IL1R1: variants seen among roughly 807,000 people sequenced by gnomAD.
The protein encoded by IL1R1 is interleukin 1 receptor type 1.
Under a neutral mutation model 50.2 loss-of-function variants are expected in IL1R1, and 22 were observed. That is an observed-to-expected ratio of 0.44 (90% confidence interval 0.31 to 0.63). The LOEUF is 0.63. Among genes scored for constraint, IL1R1 ranks in the 20% least tolerant of loss-of-function variants. The pLI is 0.07. For synonymous variants in IL1R1, 251 were observed against 236.7 expected, an observed-to-expected ratio of 1.06 and a Z score of -0.55; for missense variants, 509 against 676.2, an observed-to-expected ratio of 0.75 and a Z score of 2.74.
At chr2:102,176,259 C>A in intron 11 of IL1R1, 94 bp from the exon 12 acceptor site, 1 of 997,302 alleles carries the variant, frequency 1.0e-6, no homozygotes, top group Non-Finnish European at 1.5e-6. Flanking sequence ...CATTAGGAGC[C>A]ATACGGTTGT....
intron 1 of IL1R1, among the ~76,000 whole-genome samples, chr2:102,153,229 C>A (rs1378974910): frequency 6.6e-6 from 1 of 152,090 alleles, no homozygotes; most frequent in Non-Finnish European, 1.5e-5. Context: ...TTCTTTCTGG[C>A]AAAACTCAAG....
intron 10 of IL1R1, 83 bp from the exon 11 acceptor site, chr2:102,175,395 T>C: frequency 3.0e-6 from 3 of 1,011,048 alleles, no homozygotes. Flanking sequence ...TAGTTCATTA[T>C]GTAATGAATG....
At chr2:102,094,835 A>G (rs2104321134) in intron 1 of IL1R1, among the ~76,000 whole-genome samples, 1 of 152,316 alleles carries the variant, frequency 6.6e-6, no homozygotes, top group East Asian at 1.9e-4. Flanking sequence ...ACACACATAT[A>G]CACATATATG....
At chr2:102,119,580 A>G (rs574314895) in intron 1 of IL1R1, among the ~76,000 whole-genome samples, 1 of 152,342 alleles carries the variant, frequency 6.6e-6, no homozygotes, top group South Asian at 2.1e-4. Flanking sequence ...GTCTTAAACA[A>G]AAGTTACATA....
At chr2:102,171,061 C>T (rs546725845) in intron 7 of IL1R1, among the ~76,000 whole-genome samples, 1 of 152,226 alleles carries the variant, frequency 6.6e-6, no homozygotes, top group African/African-American at 2.4e-5. Flanking sequence ...GACTGTGTCT[C>T]ATTTTTAAAA....
upstream of IL1R1, among the ~76,000 whole-genome samples, chr2:102,137,987 T>G (rs971636743): frequency 6.6e-6 from 1 of 152,192 alleles, no homozygotes; most frequent in African/African-American, 2.4e-5. Flanking sequence ...ATGGTGGGAC[T>G]GTGTGGAATT....
chr2:102,121,899 CT>C (rs1274915725), intron 1 of IL1R1, among the ~76,000 whole-genome samples: 2 of 152,160 alleles, frequency 1.3e-5, no homozygotes, highest in Non-Finnish European at 2.9e-5. Context: ...CCATGCAACA[CT>C]TTTTTGTTCT....
intron 1 of IL1R1, among the ~76,000 whole-genome samples, chr2:102,072,117 G>A (rs1342435298): frequency 6.6e-6 from 1 of 151,676 alleles, no homozygotes; most frequent in Non-Finnish European, 1.5e-5. Context: ...AAAATTAGCT[G>A]GGCATGGTGG....
At chr2:102,152,156 T>C (rs913647041) in intron 1 of IL1R1, among the ~76,000 whole-genome samples, 1 of 151,956 alleles carries the variant, frequency 6.6e-6, no homozygotes, top group Non-Finnish European at 1.5e-5. Context: ...ACAGTAAGTA[T>C]ATAAATTCTT....
intron 1 of IL1R1, among the ~76,000 whole-genome samples, chr2:102,152,703 G>T (rs530217346): frequency 6.6e-6 from 1 of 151,918 alleles, no homozygotes; most frequent in South Asian, 2.1e-4. Flanking sequence ...ACTCACAGGG[G>T]TCAGTCAGGA....
chr2:102,142,608 A>G (rs930024336), upstream of IL1R1, among the ~76,000 whole-genome samples: 16 of 151,608 alleles, frequency 1.1e-4, 2 homozygotes, highest in Admixed American at 1.0e-3. Context: ...GGGTCTGTCC[A>G]GCCGCGCCTG....
intron 1 of IL1R1, among the ~76,000 whole-genome samples, chr2:102,147,152 G>C (rs1009627775): frequency 3.9e-5 from 6 of 152,172 alleles, no homozygotes; most frequent in African/African-American, 1.4e-4. Context: ...TTGAGGGGTG[G>C]CAGAAATGGT....
rs1681497079 is a variant in IL1R1 at position 102,123,251 on chromosome 2, T to C, written c.-84+18379T>C. Among the ~76,000 whole-genome samples, 4 of 152,358 alleles carry C rather than the reference T, an allele frequency of 2.6e-5. No homozygotes were observed. In the South Asian group the frequency reaches 8.3e-4, roughly 32 times the overall value. On this transcript the variant is annotated intron_variant, in intron 1 of 10. Transcript: ENST00000409329. Reference sequence around the variant, plus strand: ...ATGTAATAATTCCATGCTATCTTTATTATCTGTGAAATTGTGTTTGTGTCT... The same window carrying C: ...ATGTAATAATTCCATGCTATCTTTACTATCTGTGAAATTGTGTTTGTGTCT...
intron 1 of IL1R1, among the ~76,000 whole-genome samples, chr2:102,150,563 T>C (rs75293791): frequency 0.011 from 1,693 of 152,370 alleles, 22 homozygotes; most frequent in Non-Finnish European, 0.016. Flanking sequence ...CACGTTGTGA[T>C]ACGCCAGTGT....
chr2:102,082,731 G>A (rs1679270043), intron 1 of IL1R1, among the ~76,000 whole-genome samples: 1 of 152,140 alleles, frequency 6.6e-6, no homozygotes, highest in South Asian at 2.1e-4. Flanking sequence ...CATGCCATCA[G>A]CAGGGCTGTC....
At chr2:102,089,985 C>T (rs889391006) in intron 1 of IL1R1, among the ~76,000 whole-genome samples, 2 of 151,720 alleles carry the variant, frequency 1.3e-5, no homozygotes, top group Admixed American at 1.3e-4. Context: ...AGGTGCCCGC[C>T]ACCACACCCG....
chr2:102,142,585 G>T (rs1233891844), upstream of IL1R1: 2 of 152,018 alleles, frequency 1.3e-5, no homozygotes, highest in Non-Finnish European at 2.9e-5. Context: ...CCGGGGCAGG[G>T]CGGTGTCCGC....
At chr2:102,128,441 G>A (rs1020621266) in intron 1 of IL1R1, among the ~76,000 whole-genome samples, 11 of 152,106 alleles carry the variant, frequency 7.2e-5, no homozygotes, top group African/African-American at 2.2e-4. Flanking sequence ...ATGAATGTTT[G>A]GCAGGTAATG....
At chr2:102,131,517 C>T (rs1203303783) in intron 1 of IL1R1, among the ~76,000 whole-genome samples, 1 of 151,986 alleles carries the variant, frequency 6.6e-6, no homozygotes, top group Non-Finnish European at 1.5e-5. Flanking sequence ...CGTGAAAATG[C>T]CTGCGTCTAA....
Sources: gnomAD v4.1 joint callset for allele counts (sites outside exome capture counted in the v4.1 genomes callset) on GRCh38, gnomAD v4.1.1 for gene constraint, MANE v1.5 for transcripts, NCBI Gene and HGNC (gene_info 2026-07-23, HGNC 2026-07-21) for gene names.